The following KLC1 variants were observed in gnomAD, a reference collection of about 807,000 sequenced individuals.
KLC1 encodes kinesin 2 60/70kDa.
In KLC1, 30 loss-of-function variants were observed where a neutral mutation model predicts 84.2. The ratio of observed to expected loss-of-function variants is 0.36; its 90% confidence interval spans 0.27 to 0.48. The LOEUF (loss-of-function observed/expected upper bound fraction) is 0.48, where lower values mean the gene tolerates loss of function less well. KLC1 is among the 20% of genes least tolerant of loss of function. The pLI, the probability that KLC1 is intolerant of heterozygous loss-of-function variation, is 0.99. For synonymous variants in KLC1, 289 were observed against 293.3 expected (o/e 0.99, Z 0.15); for missense variants, 499 against 805.4 (o/e 0.62, Z 4.60).
chr14:103,637,521 C>T (rs1334750993), intron 1 of KLC1, among the ~76,000 whole-genome samples: 1 of 150,330 alleles, frequency 6.7e-6, no homozygotes, highest in African/African-American at 2.5e-5. Context: ...CAGAGTGAGA[C>T]TCTGTTTCAA....
chr14:103,639,213 A>C (rs1323923921), intron 1 of KLC1, among the ~76,000 whole-genome samples: 2 of 152,012 alleles, frequency 1.3e-5, no homozygotes, highest in African/African-American at 4.8e-5. Context: ...TCCAGGCTGG[A>C]GTACAGTGGC....
At chr14:103,657,865 A>C in intron 3 of KLC1, 89 bp downstream of exon 3, 2 of 825,688 alleles carry the variant, frequency 2.4e-6, no homozygotes, top group Admixed American at 5.0e-5. Context: ...TATTCTTTTC[A>C]TATTAGAACA....
intron 1 of KLC1, among the ~76,000 whole-genome samples, chr14:103,629,772 C>T (rs774199543): frequency 6.6e-6 from 1 of 152,136 alleles, no homozygotes; most frequent in Non-Finnish European, 1.5e-5. Context: ...CCATCCGCGT[C>T]CCACTGCAGG....
chr14:103,637,650 A>G (rs2077151090), intron 1 of KLC1, among the ~76,000 whole-genome samples: 1 of 152,156 alleles, frequency 6.6e-6, no homozygotes, highest in African/African-American at 2.4e-5. Flanking sequence ...CCCAAAGGCC[A>G]AATAGATGCA....
chr14:103,679,318 T>A, intron 12 of KLC1, 66 bp from the exon 13 acceptor site: 1 of 1,491,054 alleles, frequency 6.7e-7, no homozygotes, highest in Non-Finnish European at 9.1e-7. Flanking sequence ...GCGAAGTATC[T>A]CAGAAATACC....
intron 1 of KLC1, among the ~76,000 whole-genome samples, chr14:103,637,813 C>T (rs200804658): frequency 1.3e-5 from 2 of 152,108 alleles, no homozygotes; most frequent in East Asian, 3.8e-4. Flanking sequence ...ATCGTCCCAC[C>T]TCAGCCCCTG....
intron 14 of KLC1, among the ~76,000 whole-genome samples, chr14:103,688,626 C>T (rs1399006899): frequency 6.6e-6 from 1 of 152,138 alleles, no homozygotes; most frequent in African/African-American, 2.4e-5. Context: ...CGCTTGGTAT[C>T]CCTGTGGGAG....
At chr14:103,675,474 A>G (rs2080801707) in intron 9 of KLC1, 78 bp from the exon 10 acceptor site, 3 of 1,247,024 alleles carry the variant, frequency 2.4e-6, no homozygotes, top group Non-Finnish European at 3.4e-6. Context: ...ACTCAAAGGA[A>G]ATTCCCCTTA....
intron 5 of KLC1, among the ~76,000 whole-genome samples, chr14:103,665,833 G>T (rs2079735884): frequency 6.6e-6 from 1 of 152,228 alleles, no homozygotes; most frequent in African/African-American, 2.4e-5. Flanking sequence ...ACTCAGAAAG[G>T]CTGTGTCTGC....
intron 11 of KLC1, 27 bp downstream of exon 11, chr14:103,675,783 A>G (rs998354568): frequency 1.9e-6 from 3 of 1,598,824 alleles, no homozygotes; most frequent in African/African-American, 2.7e-5. Context: ...GTTTGGCTGG[A>G]AAAACCAAAA....
chr14:103,663,596 C>A lies in KLC1; in HGVS notation c.797+669C>A, dbSNP rs75711642. Among the ~76,000 whole-genome samples, 57 of 152,284 alleles carry A rather than the reference C, an allele frequency of 3.7e-4. No homozygotes were observed. The East Asian group carries it at 0.011, about 29-fold the overall frequency. On this transcript the variant is annotated intron_variant, in intron 5 of 16. Coordinates refer to ENST00000334553, the MANE Select transcript of KLC1 (RefSeq NM_001394837.1). Reference sequence around the variant, plus strand: ...GGCGGTGTCTTCCTGCCTTCTGAGGCCTGGTGCGCTGTGCCTCCTTTTGGA... The same window carrying A: ...GGCGGTGTCTTCCTGCCTTCTGAGGACTGGTGCGCTGTGCCTCCTTTTGGA...
intron 1 of KLC1, among the ~76,000 whole-genome samples, chr14:103,634,403 G>T (rs2076902784): frequency 6.6e-6 from 1 of 152,174 alleles, no homozygotes; most frequent in Non-Finnish European, 1.5e-5. Context: ...GGAGAAGGAT[G>T]AGATTATGAG....
rs1302263538 is a variant in KLC1, at chr14:103,662,706, G to A, written c.576G>A (p.Gln192=). The A allele has an allele frequency of 6.3e-7, 1 of 1,577,436 alleles. No homozygotes were observed. Among genetic ancestry groups the A allele is most frequent in the Non-Finnish European group, 8.6e-7 (1 of 1,162,596 alleles). Residue 192 remains glutamine, a synonymous_variant, in exon 5 of 17, where the codon CAG becomes CAA. Transcript: ENST00000334553. ...NDEDDPGQGI[Q]QQHSSAAAAA... ...AAGTGAACTTTCTCGGTGCAGTCCA[G>A]CAGCAGCACAGCAGTGCAGCCGCGG...
chr14:103,687,342 G>A (rs937406350), intron 14 of KLC1, 131 bp downstream of exon 14: 32 of 951,758 alleles, frequency 3.4e-5, no homozygotes, highest in Non-Finnish European at 4.6e-5. Context: ...TCTCACAACC[G>A]AAGGGTTTCA....
At chr14:103,660,848 A>G (rs527772542) in intron 3 of KLC1, among the ~76,000 whole-genome samples, 1 of 152,282 alleles carries the variant, frequency 6.6e-6, no homozygotes, top group Admixed American at 6.5e-5. Flanking sequence ...CTTGCTCTAG[A>G]GTGCTATGGA....
chr14:103,661,970 G>C (rs2079333636), intron 3 of KLC1, 146 bp from the exon 4 acceptor site: 1 of 625,704 alleles, frequency 1.6e-6, no homozygotes, highest in Non-Finnish European at 2.9e-6. Context: ...GGATAAGCCA[G>C]ATTGTCGGCG....
chr14:103,659,465 G>A (rs564193322), intron 3 of KLC1, among the ~76,000 whole-genome samples: 1 of 152,280 alleles, frequency 6.6e-6, no homozygotes, highest in Non-Finnish European at 1.5e-5. Flanking sequence ...TAGAACAGTG[G>A]TCAGAACTAA....
At chr14:103,661,079 G>A (rs2079245681) in intron 3 of KLC1, among the ~76,000 whole-genome samples, 1 of 152,128 alleles carries the variant, frequency 6.6e-6, no homozygotes, top group Admixed American at 6.6e-5. Flanking sequence ...TCACATAGTG[G>A]CATAGCATGT....
intron 15 of KLC1, chr14:103,695,039 C>T (rs1459120320): frequency 2.0e-6 from 2 of 985,236 alleles, no homozygotes; most frequent in Non-Finnish European, 2.4e-6. Context: ...AGGCTCCTGA[C>T]TCCATTCTTG....
Sources: gnomAD v4.1 joint callset for allele counts (sites outside exome capture counted in the v4.1 genomes callset) on GRCh38, gnomAD v4.1.1 for gene constraint, MANE v1.5 for transcripts, NCBI Gene and HGNC (gene_info 2026-07-23, HGNC 2026-07-21) for gene names.